The following BAALC variants were observed in gnomAD, a reference collection of about 807,000 sequenced individuals.
The protein encoded by BAALC is BAALC binder of MAP3K1 and KLF4.
In BAALC, 9 loss-of-function variants were observed where a neutral mutation model predicts 15.5. The observed-to-expected ratio is 0.58, with a 90% CI of 0.35 to 1.02. BAALC has a LOEUF of 1.02. Among genes scored for constraint, BAALC ranks in the 50% least tolerant of loss-of-function variants. The pLI is 0.02. For missense variants in BAALC, 201 were observed against 192.4 expected, an observed-to-expected ratio of 1.04 and a Z score of -0.27; for synonymous variants, 80 against 74.6, an observed-to-expected ratio of 1.07 and a Z score of -0.37.
At chr8:103,187,946 A>G (rs543765165) in intron 1 of BAALC, among the ~76,000 whole-genome samples, 1 of 152,136 alleles carries the variant, frequency 6.6e-6, no homozygotes, top group Non-Finnish European at 1.5e-5. Context: ...TAAAGATTAG[A>G]GCTTGAAGTT....
At chr8:103,186,455 T>C (rs1046370741) in intron 1 of BAALC, among the ~76,000 whole-genome samples, 6 of 152,222 alleles carry the variant, frequency 3.9e-5, no homozygotes, top group African/African-American at 1.4e-4. Context: ...CCCTCAGCGT[T>C]AGACATAAAA....
chr8:103,226,074 A>G (rs1244597857), intron 2 of BAALC, among the ~76,000 whole-genome samples: 1 of 152,196 alleles, frequency 6.6e-6, no homozygotes, highest in Non-Finnish European at 1.5e-5. Context: ...ACCCAGCACA[A>G]GGAGGTGCTC....
At chr8:103,150,784 T>C (rs1306682542) in intron 1 of BAALC, among the ~76,000 whole-genome samples, 2 of 152,148 alleles carry the variant, frequency 1.3e-5, no homozygotes, top group African/African-American at 4.8e-5. Context: ...CAGGGATTCT[T>C]GACCTTCTTC....
chr8:103,153,808 G>A (rs898758567), intron 1 of BAALC, among the ~76,000 whole-genome samples: 4 of 152,184 alleles, frequency 2.6e-5, no homozygotes, highest in Non-Finnish European at 5.9e-5. Flanking sequence ...AACCCAACCT[G>A]CTGCTGTCTC....
intron 2 of BAALC, among the ~76,000 whole-genome samples, chr8:103,224,122 T>C (rs1023111766): frequency 1.3e-4 from 19 of 151,674 alleles, no homozygotes; most frequent in Non-Finnish European, 2.8e-4. Flanking sequence ...CGTCTGTGTG[T>C]GTGTGTGTGT....
intron 1 of BAALC, chr8:103,202,981 T>G (rs1007759271): frequency 1.1e-4 from 17 of 152,258 alleles, no homozygotes; most frequent in African/African-American, 4.1e-4. Flanking sequence ...TCCTTTTGGC[T>G]GCCTTCCAGT....
At chr8:103,158,410 C>CCCTATATAT (rs1811147329) in intron 1 of BAALC, among the ~76,000 whole-genome samples, 1 of 152,138 alleles carries the variant, frequency 6.6e-6, no homozygotes, top group Non-Finnish European at 1.5e-5. Flanking sequence ...TAGTACAAAA[C>CCCTATATAT]CCTATATATA....
intron 1 of BAALC, among the ~76,000 whole-genome samples, chr8:103,149,950 A>G (rs932157833): frequency 3.9e-5 from 6 of 151,910 alleles, no homozygotes; most frequent in African/African-American, 1.5e-4. Context: ...TAGTCTCTTT[A>G]TGGGTTGTAT....
chr8:103,146,717 A>G (rs1810888203), intron 1 of BAALC, among the ~76,000 whole-genome samples: 1 of 152,218 alleles, frequency 6.6e-6, no homozygotes, highest in Admixed American at 6.5e-5. Flanking sequence ...TGGGCTGCAC[A>G]GTAAGAAAAC....
intron 1 of BAALC, among the ~76,000 whole-genome samples, chr8:103,156,210 C>A (rs1811087419): frequency 6.6e-6 from 1 of 152,198 alleles, no homozygotes; most frequent in Admixed American, 6.5e-5. Flanking sequence ...TCAGAAACAT[C>A]TCTAAATAGC....
chr8:103,157,426 T>A (rs774113619), intron 1 of BAALC, among the ~76,000 whole-genome samples: 4 of 152,128 alleles, frequency 2.6e-5, no homozygotes, highest in Non-Finnish European at 4.4e-5. Context: ...CCTTCATCAA[T>A]TGGGTAATTT....
chr8:103,151,457 T>C (rs1326161277), intron 1 of BAALC, among the ~76,000 whole-genome samples: 2 of 152,232 alleles, frequency 1.3e-5, no homozygotes, highest in Non-Finnish European at 2.9e-5. Flanking sequence ...AAGGGCTTAG[T>C]GTTTCAGTGT....
At chr8:103,177,846 T>C (rs946359472) in intron 1 of BAALC, among the ~76,000 whole-genome samples, 2 of 152,282 alleles carry the variant, frequency 1.3e-5, no homozygotes, top group Non-Finnish European at 2.9e-5. Context: ...ATATGTGCCA[T>C]GCACTATTCT....
chr8:103,201,169 T>A (rs1271685060), intron 1 of BAALC, among the ~76,000 whole-genome samples: 2 of 151,924 alleles, frequency 1.3e-5, no homozygotes, highest in East Asian at 3.9e-4. Flanking sequence ...GGAAATGAAG[T>A]AAGAATCAAA....
chr8:103,199,859 T>C (rs983135016), intron 1 of BAALC, among the ~76,000 whole-genome samples: 2 of 152,194 alleles, frequency 1.3e-5, no homozygotes, highest in Non-Finnish European at 2.9e-5. Flanking sequence ...CCCCTATGTG[T>C]CCATGTGTTC....
intron 1 of BAALC, among the ~76,000 whole-genome samples, chr8:103,179,454 G>A (rs1563645074): frequency 6.6e-6 from 1 of 152,232 alleles, no homozygotes; most frequent in East Asian, 1.9e-4. Context: ...ACTACCATTT[G>A]GAGGGTCACT....
At chr8:103,222,743 C>T (rs1473179521) in intron 2 of BAALC, among the ~76,000 whole-genome samples, 1 of 152,090 alleles carries the variant, frequency 6.6e-6, no homozygotes, top group Non-Finnish European at 1.5e-5. Context: ...CGGCTTGGAA[C>T]TTTTTGAGCC....
At chr8:103,181,977 C>T (rs548173514) in intron 1 of BAALC, among the ~76,000 whole-genome samples, 10 of 152,264 alleles carry the variant, frequency 6.6e-5, no homozygotes, top group East Asian at 5.8e-4. Context: ...TTTGCAGTGT[C>T]GTTCTGGGGC....
At chr8:103,193,203 T>TATCAGGCGTCACC (rs1812012182) in intron 1 of BAALC, among the ~76,000 whole-genome samples, 1 of 152,198 alleles carries the variant, frequency 6.6e-6, no homozygotes, top group African/African-American at 2.4e-5. Context: ...CAGGCGTCAC[T>TATCAGGCGTCACC]TATCAGGCCT....
Sources: allele counts gnomAD v4.1 joint callset (sites outside exome capture counted in the v4.1 genomes callset), GRCh38; gene constraint gnomAD v4.1.1; transcripts MANE v1.5; gene names NCBI Gene and HGNC (gene_info 2026-07-23, HGNC 2026-07-21).